IMMP2L: variants seen among roughly 807,000 people sequenced by gnomAD.
IMMP2L encodes the protein inner mitochondrial membrane peptidase subunit 2, also known as mitochondrial inner membrane protease subunit 2.
A neutral mutation model predicts 19.3 loss-of-function variants in IMMP2L; 18 were observed. That is an observed-to-expected ratio of 0.93 (90% CI 0.64 to 1.38). The LOEUF (loss-of-function observed/expected upper bound fraction) is 1.38. IMMP2L is among the 40% of genes most tolerant of loss of function. The pLI, the probability that IMMP2L is intolerant of heterozygous loss-of-function variation, is 0.00. For synonymous variants in IMMP2L, 76 were observed against 73.0 expected (o/e 1.04, Z -0.21); for missense variants, 233 against 218.2 (o/e 1.07, Z -0.43).
At chr7:111,041,870 T>C (rs1221063444) in intron 3 of IMMP2L, among the ~76,000 whole-genome samples, 6 of 152,190 alleles carry the variant, frequency 3.9e-5, no homozygotes, top group East Asian at 1.9e-4. Context: ...GCTCTGAAGA[T>C]AGAATGCCTC....
intron 3 of IMMP2L, among the ~76,000 whole-genome samples, chr7:111,211,302 A>G (rs140400140): frequency 6.6e-6 from 1 of 152,270 alleles, no homozygotes; most frequent in African/African-American, 2.4e-5. Flanking sequence ...AAATGACTCT[A>G]TGCGGAACTA....
At chr7:110,963,014 C>A in intron 4 of IMMP2L, 1 of 1,507,952 alleles carries the variant, frequency 6.6e-7, no homozygotes, top group Non-Finnish European at 8.8e-7. Context: ...TTGTTACAAT[C>A]TTATCATCTA....
At chr7:110,779,328 C>A (rs1045050950) in intron 5 of IMMP2L, among the ~76,000 whole-genome samples, 1 of 151,882 alleles carries the variant, frequency 6.6e-6, no homozygotes, top group African/African-American at 2.4e-5. Context: ...AAATAATTGT[C>A]TTTTCATTCA....
In IMMP2L at chr7:111,445,371, A is replaced by C. The variant is rs536239822; in HGVS notation, c.239+41867T>G. On this transcript the variant is annotated intron_variant, in intron 3 of 5. Transcript: ENST00000405709. ...CATCTTTACTCCTTCCTAGCAATTT[A>C]TTCCCCCTTTCCTAGAAGAATGAAA... Among the ~76,000 whole-genome samples the C allele has an allele frequency of 1.8e-4, 28 of 152,134 alleles. 1 individual carries two copies. Among genetic ancestry groups the C allele is most frequent in the Admixed American group, 3.3e-4 (5 of 15,270 alleles).
intron 3 of IMMP2L, among the ~76,000 whole-genome samples, chr7:111,471,466 T>C (rs1006827365): frequency 3.9e-5 from 6 of 152,080 alleles, no homozygotes; most frequent in Admixed American, 3.3e-4. Flanking sequence ...AAAAGCCACA[T>C]GTGGTTACTG....
chr7:111,466,068 G>T (rs538664746), intron 3 of IMMP2L, among the ~76,000 whole-genome samples: 5 of 152,098 alleles, frequency 3.3e-5, no homozygotes, highest in East Asian at 1.9e-4. Context: ...GCAAACTATC[G>T]CAAGGACAAA....
chr7:110,766,866 C>A (rs968003706), intron 5 of IMMP2L, among the ~76,000 whole-genome samples: 2 of 152,072 alleles, frequency 1.3e-5, no homozygotes, highest in African/African-American at 4.8e-5. Flanking sequence ...TCAGAAACTT[C>A]AGGCAATTAA....
chr7:111,234,889 C>G (rs1191930824), intron 3 of IMMP2L, among the ~76,000 whole-genome samples: 2 of 152,046 alleles, frequency 1.3e-5, no homozygotes, highest in East Asian at 3.9e-4. Flanking sequence ...TATAATTTTA[C>G]TTCTATATAT....
intron 3 of IMMP2L, among the ~76,000 whole-genome samples, chr7:110,965,370 A>G (rs901624507): frequency 6.6e-6 from 1 of 152,100 alleles, no homozygotes; most frequent in African/African-American, 2.4e-5. Flanking sequence ...TGCACTTTCA[A>G]TAAGATTTAT....
At chr7:110,801,901 G>T (rs987361414) in intron 5 of IMMP2L, among the ~76,000 whole-genome samples, 1 of 152,062 alleles carries the variant, frequency 6.6e-6, no homozygotes, top group Non-Finnish European at 1.5e-5. Context: ...ACAGCTATGG[G>T]AGGTAGGTGG....
At chr7:111,202,940 G>A (rs1810301590) in intron 3 of IMMP2L, among the ~76,000 whole-genome samples, 2 of 152,236 alleles carry the variant, frequency 1.3e-5, no homozygotes, top group East Asian at 1.9e-4. Flanking sequence ...GTTTAATATA[G>A]ATGGCTTGAG....
At chr7:110,746,271 C>T (rs1797339838) in intron 5 of IMMP2L, among the ~76,000 whole-genome samples, 1 of 152,048 alleles carries the variant, frequency 6.6e-6, no homozygotes, top group Non-Finnish European at 1.5e-5. Context: ...TCTTAGAGAC[C>T]TATCTAGAGA....
At chr7:111,496,742 T>C (rs922447424) in intron 2 of IMMP2L, among the ~76,000 whole-genome samples, 2 of 152,010 alleles carry the variant, frequency 1.3e-5, no homozygotes, top group Non-Finnish European at 2.9e-5. Context: ...GGACTGAGAG[T>C]TATACCATCA....
At chr7:111,305,071 T>C (rs1822714466) in intron 3 of IMMP2L, among the ~76,000 whole-genome samples, 1 of 152,064 alleles carries the variant, frequency 6.6e-6, no homozygotes, top group South Asian at 2.1e-4. Flanking sequence ...AGAGAAACTT[T>C]GTCTTGTTTT....
At chr7:110,826,617 C>G (rs1240650134) in intron 5 of IMMP2L, among the ~76,000 whole-genome samples, 1 of 151,866 alleles carries the variant, frequency 6.6e-6, no homozygotes. Flanking sequence ...GGTTCTCACT[C>G]ATAGGTGGGA....
intron 5 of IMMP2L, among the ~76,000 whole-genome samples, chr7:110,743,640 A>G (rs1285924170): frequency 6.6e-6 from 1 of 152,182 alleles, no homozygotes; most frequent in East Asian, 1.9e-4. Flanking sequence ...AAGGAGGGCG[A>G]GCTGAAGCAG....
At chr7:110,985,094 T>A (rs1319989208) in intron 3 of IMMP2L, among the ~76,000 whole-genome samples, 2 of 152,098 alleles carry the variant, frequency 1.3e-5, no homozygotes, top group Non-Finnish European at 2.9e-5. Context: ...GACCATGAAC[T>A]ACAAAAAGCA....
chr7:110,690,826 C>T (rs2130539311), intron 5 of IMMP2L, among the ~76,000 whole-genome samples: 1 of 151,838 alleles, frequency 6.6e-6, no homozygotes, highest in East Asian at 1.9e-4. Context: ...ATAGATAACA[C>T]AAACAAATGG....
At chr7:110,844,083 C>A (rs1323421618) in intron 5 of IMMP2L, among the ~76,000 whole-genome samples, 1 of 152,132 alleles carries the variant, frequency 6.6e-6, no homozygotes. Context: ...AAGATCACTG[C>A]CATTGCTGAG....
Sources: allele counts gnomAD v4.1 joint callset (sites outside exome capture counted in the v4.1 genomes callset), GRCh38; gene constraint gnomAD v4.1.1; transcripts MANE v1.5; gene names NCBI Gene and HGNC (gene_info 2026-07-23, HGNC 2026-07-21).